GABRB2: variants seen among roughly 807,000 people sequenced by gnomAD.
GABRB2 encodes gamma-aminobutyric acid receptor subunit beta-2.
A neutral mutation model predicts 54.7 loss-of-function variants in GABRB2; 16 were observed. The ratio of observed to expected loss-of-function variants is 0.29; its 90% confidence interval spans 0.20 to 0.44. The LOEUF is 0.44. Among genes scored for constraint, GABRB2 ranks in the 20% least tolerant of loss-of-function variants. GABRB2 has a pLI of 1.00. For synonymous variants in GABRB2, 244 were observed against 233.8 expected (o/e 1.04, Z -0.40); for missense variants, 355 against 644.0 (o/e 0.55, Z 4.86).
chr5:161,371,879 G>A (rs1308950812), intron 5 of GABRB2, among the ~76,000 whole-genome samples: 1 of 151,936 alleles, frequency 6.6e-6, no homozygotes, highest in African/African-American at 2.4e-5. Flanking sequence ...GCACCACTAT[G>A]CGTGGCTATT....
chr5:161,339,507 C>T (rs1754089661), intron 5 of GABRB2, among the ~76,000 whole-genome samples: 1 of 151,982 alleles, frequency 6.6e-6, no homozygotes, highest in Admixed American at 6.6e-5. Context: ...ATAAGCATTC[C>T]AGATAATTCT....
At chr5:161,459,975 C>CAAAA in intron 3 of GABRB2, 131 bp from the exon 4 acceptor site, 1 of 575,232 alleles carries the variant, frequency 1.7e-6, no homozygotes. Context: ...GACAGGGTCT[C>CAAAA]ACTCTGTCAC....
chr5:161,370,904 C>A (rs574105843), intron 5 of GABRB2, among the ~76,000 whole-genome samples: 8 of 152,310 alleles, frequency 5.3e-5, no homozygotes, highest in African/African-American at 1.9e-4. Context: ...TTGGAAAAGT[C>A]AGCAACGACT....
At chr5:161,360,640 A>G (rs955742310) in intron 5 of GABRB2, among the ~76,000 whole-genome samples, 8 of 152,196 alleles carry the variant, frequency 5.3e-5, no homozygotes, top group Non-Finnish European at 1.0e-4. Flanking sequence ...TATTCCAGCT[A>G]AAATATTAAG....
At chr5:161,427,187 T>C (rs1300100283) in intron 4 of GABRB2, among the ~76,000 whole-genome samples, 1 of 152,112 alleles carries the variant, frequency 6.6e-6, no homozygotes, top group African/African-American at 2.4e-5. Flanking sequence ...ATGAACTCTG[T>C]CTAACTGGAG....
chr5:161,417,271 A>G (rs927049039), intron 4 of GABRB2, among the ~76,000 whole-genome samples: 1 of 152,250 alleles, frequency 6.6e-6, no homozygotes, highest in Non-Finnish European at 1.5e-5. Flanking sequence ...ACTAATAACT[A>G]ACATATTAAT....
chr5:161,391,225 T>G (rs529541203), intron 5 of GABRB2, among the ~76,000 whole-genome samples: 2 of 152,290 alleles, frequency 1.3e-5, no homozygotes, highest in Non-Finnish European at 2.9e-5. Flanking sequence ...TCTCCTGACA[T>G]TTTGTTGAAA....
intron 9 of GABRB2, among the ~76,000 whole-genome samples, chr5:161,312,880 TAACTC>T (rs140670661): frequency 0.13 from 19,287 of 152,124 alleles, 1,715 homozygotes; most frequent in African/African-American, 0.22. Flanking sequence ...CGATAAGAGA[TAACTC>T]AACCAGAGCA....
At chr5:161,413,049 T>C (rs1756567480) in intron 4 of GABRB2, among the ~76,000 whole-genome samples, 1 of 152,170 alleles carries the variant, frequency 6.6e-6, no homozygotes, top group Non-Finnish European at 1.5e-5. Flanking sequence ...ATTACAGACA[T>C]GAGCCACTGC....
At chr5:161,357,348 A>G (rs1396760811) in intron 5 of GABRB2, among the ~76,000 whole-genome samples, 1 of 152,148 alleles carries the variant, frequency 6.6e-6, no homozygotes, top group African/African-American at 2.4e-5. Context: ...TGTGTGGTAT[A>G]TTGGAGAGGC....
intron 9 of GABRB2, among the ~76,000 whole-genome samples, chr5:161,311,012 G>A (rs752632619): frequency 2.0e-5 from 3 of 151,920 alleles, no homozygotes; most frequent in East Asian, 1.9e-4. Context: ...TGCCCGCCTC[G>A]GCCTCCCAAA....
At chr5:161,406,664 C>A (rs1756356348) in intron 5 of GABRB2, among the ~76,000 whole-genome samples, 1 of 151,952 alleles carries the variant, frequency 6.6e-6, no homozygotes, top group Non-Finnish European at 1.5e-5. Context: ...TCCATTTTAC[C>A]CCTGAAGAAA....
intron 4 of GABRB2, among the ~76,000 whole-genome samples, chr5:161,434,408 A>T (rs572717803): frequency 6.6e-6 from 1 of 152,156 alleles, no homozygotes; most frequent in Non-Finnish European, 1.5e-5. Context: ...TCCCCTAAAG[A>T]TAAAGTCCAG....
At chr5:161,411,365 G>A (rs1423112359) in intron 4 of GABRB2, among the ~76,000 whole-genome samples, 1 of 152,168 alleles carries the variant, frequency 6.6e-6, no homozygotes, top group Non-Finnish European at 1.5e-5. Flanking sequence ...GTGGTGCCAA[G>A]ACTCTATTTC....
At chr5:161,349,714 C>A (rs937798382) in intron 5 of GABRB2, among the ~76,000 whole-genome samples, 1 of 152,074 alleles carries the variant, frequency 6.6e-6, no homozygotes, top group African/African-American at 2.4e-5. Context: ...ACTGAGGGAG[C>A]TCTCCAGATA....
chr5:161,463,576 T>TATAGATAG (rs1758190524), intron 3 of GABRB2, among the ~76,000 whole-genome samples: 4 of 122,784 alleles, frequency 3.3e-5, no homozygotes, highest in Admixed American at 8.2e-5. Flanking sequence ...TATATATATA[T>TATAGATAG]ATATATATAT....
In GABRB2 at chr5:161,482,245, A is replaced by C. The variant is rs114129131; in HGVS notation, c.238-22401T>G. ...TTGGTTTCAGCGATTTAGAAGATGA[A>C]CCTATGTGCCTTCTACAAAGGAGAC... is the stretch of plus-strand genomic sequence containing the variant. On this transcript the variant is annotated intron_variant, in intron 3 of 9. Coordinates refer to ENST00000393959, the MANE Select transcript of GABRB2 (RefSeq NM_001371727.1). Among the ~76,000 whole-genome samples, 360 of 152,112 alleles carry C rather than the reference A, an allele frequency of 2.4e-3. 2 individuals carry two copies. The highest frequency in any genetic ancestry group is 8.1e-3 in the African/African-American group (336 of 41,538).
intron 5 of GABRB2, among the ~76,000 whole-genome samples, chr5:161,410,340 C>A (rs1756469785): frequency 6.6e-6 from 1 of 151,426 alleles, no homozygotes; most frequent in Non-Finnish European, 1.5e-5. Context: ...AAATCATGGC[C>A]TAGGAAAGCA....
intron 9 of GABRB2, among the ~76,000 whole-genome samples, chr5:161,311,219 G>A (rs1052770434): frequency 6.6e-6 from 1 of 152,116 alleles, no homozygotes; most frequent in African/African-American, 2.4e-5. Flanking sequence ...AAAACTAAAG[G>A]TCCTGAGAAA....
Sources: gnomAD v4.1 joint callset for allele counts (sites outside exome capture counted in the v4.1 genomes callset) on GRCh38, gnomAD v4.1.1 for gene constraint, MANE v1.5 for transcripts, NCBI Gene and HGNC (gene_info 2026-07-23, HGNC 2026-07-21) for gene names.